Variants in SLC16A7 observed in about 807,000 individuals in gnomAD.
SLC16A7 encodes the protein solute carrier family 16 member 7, also known as monocarboxylate transporter 2.
In SLC16A7, 33 loss-of-function variants were observed where a neutral mutation model predicts 34.9. The ratio of observed to expected loss-of-function variants is 0.94; its 90% confidence interval spans 0.72 to 1.26. The LOEUF (loss-of-function observed/expected upper bound fraction) is 1.26. SLC16A7 is among the 50% of genes most tolerant of loss of function. The probability of loss-of-function intolerance (pLI) is 0.00; values close to 1 mark genes in which losing one functional copy is unlikely to be tolerated. For missense variants in SLC16A7, 573 were observed against 578.1 expected, an observed-to-expected ratio of 0.99 and a Z score of 0.09; for synonymous variants, 201 against 206.6, an observed-to-expected ratio of 0.97 and a Z score of 0.23.
chr12:59,647,703 G>A (rs1291102191), intron 1 of SLC16A7, among the ~76,000 whole-genome samples: 1 of 152,100 alleles, frequency 6.6e-6, no homozygotes, highest in Non-Finnish European at 1.5e-5. Context: ...TAATCAAGAT[G>A]TTGTGGGAGT....
At chr12:59,632,183 A>G (rs1453053753) in intron 1 of SLC16A7, among the ~76,000 whole-genome samples, 2 of 151,996 alleles carry the variant, frequency 1.3e-5, no homozygotes, top group Admixed American at 6.6e-5. Flanking sequence ...ATTTAACTTC[A>G]TTGTATACAA....
chr12:59,765,827 G>C (rs536008646), intron 3 of SLC16A7, among the ~76,000 whole-genome samples: 1 of 152,014 alleles, frequency 6.6e-6, no homozygotes, highest in Non-Finnish European at 1.5e-5. Context: ...CTCTTTTTTC[G>C]TTCCATATGA....
Position 59,788,856 on chromosome 12 carries a change from C to T in SLC16A7, c.*9177C>T, listed in dbSNP as rs1486406298. 9.9e-5 allele frequency: 15 copies of T among 151,886 alleles called. No homozygotes were observed. Among genetic ancestry groups the T allele is most frequent in the Non-Finnish European group, 1.8e-4 (12 of 67,886 alleles). 9.4% of individuals were successfully genotyped at this position (151,886 alleles called of 1,614,324 possible). On this transcript the variant is annotated 3_prime_UTR_variant, in exon 6 of 6. Transcript: ENST00000547379. ...ATTTATTTAAATCAGGAATATTTTACGTTGTTGATCATTTTTAAAGTATAT... is the reference window on the plus strand; with the variant it reads ...ATTTATTTAAATCAGGAATATTTTATGTTGTTGATCATTTTTAAAGTATAT...
rs959762383 is a variant in SLC16A7 at position 59,596,727 on chromosome 12, G to C, written c.-130+491G>C. On this transcript the variant is annotated intron_variant, in intron 1 of 5. Transcript: ENST00000547379. The surrounding 1 kb of genome is among the most constrained non-coding windows in gnomAD (Gnocchi z 5.0). ...TTCATTGCCGCAGAAGGTGGAGGCG[G>C]GGGTGGAGTGTGTGGAGAGAACGTC... Among the ~76,000 whole-genome samples the C allele has an allele frequency of 1.3e-5, 2 of 152,064 alleles. No individual in the cohort carries two copies. The highest frequency in any genetic ancestry group is 4.8e-5 in the African/African-American group (2 of 41,328).
chr12:59,603,754 G>C (rs1414354137), intron 1 of SLC16A7, among the ~76,000 whole-genome samples: 1 of 152,058 alleles, frequency 6.6e-6, no homozygotes, highest in African/African-American at 2.4e-5. Flanking sequence ...GTCATCTTTA[G>C]CATTTTGGTG....
In SLC16A7 at chr12:59,779,797, T is replaced by A; in HGVS notation, c.*118T>A. 1 of 764,122 alleles carries A rather than the reference T, an allele frequency of 1.3e-6. No homozygotes were observed. The highest frequency in any genetic ancestry group is 2.0e-6 in the Non-Finnish European group (1 of 488,696). 47.3% of individuals were successfully genotyped at this position (764,122 alleles called of 1,614,324 possible). On this transcript the variant is annotated 3_prime_UTR_variant, in exon 6 of 6. Coordinates refer to ENST00000547379, the MANE Select transcript of SLC16A7 (RefSeq NM_001270623.2). The stretch of plus-strand genomic sequence containing the variant: ...TGAAATGAGGAGTCACAATTAAGGA[T>A]GGAGGTGATATTTTCCTCAATGGCA...
intron 2 of SLC16A7, among the ~76,000 whole-genome samples, chr12:59,690,437 A>G (rs1393162038): frequency 6.6e-6 from 1 of 152,084 alleles, no homozygotes; most frequent in Non-Finnish European, 1.5e-5. Flanking sequence ...GTACATCATT[A>G]TACTTGTGAG....
rs1165723975 is a variant in SLC16A7 at position 59,789,829 on chromosome 12, A to C, written c.*10150A>C. The C allele has an allele frequency of 6.7e-6, 1 of 148,976 alleles. No individual in the cohort carries two copies. Among genetic ancestry groups the C allele is most frequent in the Admixed American group, 6.7e-5 (1 of 14,942 alleles). 9.2% of individuals were successfully genotyped at this position (148,976 alleles called of 1,614,324 possible). On this transcript the variant is annotated 3_prime_UTR_variant, in exon 6 of 6. Coordinates refer to ENST00000547379, the MANE Select transcript of SLC16A7 (RefSeq NM_001270623.2). ...TATTAAATTAAAATTAAAATAAAAA[A>C]ATTCATGTTAAATTTTTGAAATGAA...
intron 3 of SLC16A7, chr12:59,720,053 T>C (rs1339203010): frequency 2.9e-6 from 2 of 698,958 alleles, no homozygotes; most frequent in African/African-American, 3.5e-5. Context: ...GCCTCATGAC[T>C]ATACCTTTCT....
At chr12:59,611,842 TG>T (rs565417242) in intron 1 of SLC16A7, among the ~76,000 whole-genome samples, 103 of 152,340 alleles carry the variant, frequency 6.8e-4, no homozygotes, top group African/African-American at 2.4e-3. Flanking sequence ...TGATTTCCTT[TG>T]ACTCCATGTC....
At chr12:59,700,628 A>G (rs1242107917) in intron 2 of SLC16A7, among the ~76,000 whole-genome samples, 1 of 151,296 alleles carries the variant, frequency 6.6e-6, no homozygotes, top group Non-Finnish European at 1.5e-5. Context: ...AGGAACACAT[A>G]CACATATACA....
At chr12:59,702,994 G>T (rs1469317018) in intron 2 of SLC16A7, among the ~76,000 whole-genome samples, 1 of 151,918 alleles carries the variant, frequency 6.6e-6, no homozygotes, top group East Asian at 1.9e-4. Flanking sequence ...GGCTTTTATT[G>T]AAACTAAACT....
At chr12:59,658,668 A>C (rs1459456921) in intron 2 of SLC16A7, among the ~76,000 whole-genome samples, 1 of 152,016 alleles carries the variant, frequency 6.6e-6, no homozygotes, top group Admixed American at 6.6e-5. Context: ...ATTCTCCCTA[A>C]TATTCCACTA....
At chr12:59,634,050 TTATGGA>T (rs1166391585) in intron 1 of SLC16A7, among the ~76,000 whole-genome samples, 33 of 152,076 alleles carry the variant, frequency 2.2e-4, no homozygotes, top group African/African-American at 7.7e-4. Flanking sequence ...TATCCCTATT[TTATGGA>T]TATGGAAACT....
chr12:59,627,309 T>C (rs899818237), intron 1 of SLC16A7, among the ~76,000 whole-genome samples: 4 of 151,928 alleles, frequency 2.6e-5, no homozygotes, highest in African/African-American at 9.7e-5. Context: ...AAATGAATTA[T>C]TTCATAAGTA....
chr12:59,673,891 CTTG>C (rs1870092853), intron 2 of SLC16A7, among the ~76,000 whole-genome samples: 2 of 152,010 alleles, frequency 1.3e-5, no homozygotes, highest in Admixed American at 6.6e-5. Context: ...TGCAAATATT[CTTG>C]TTGGATTTTT....
intron 2 of SLC16A7, among the ~76,000 whole-genome samples, chr12:59,683,516 T>C (rs1307519684): frequency 6.6e-6 from 1 of 152,194 alleles, no homozygotes; most frequent in Non-Finnish European, 1.5e-5. Flanking sequence ...ATTCAAGAGC[T>C]ATTAAAGGGA....
At chr12:59,641,706 T>C (rs1880694573) in intron 1 of SLC16A7, among the ~76,000 whole-genome samples, 1 of 152,048 alleles carries the variant, frequency 6.6e-6, no homozygotes, top group Non-Finnish European at 1.5e-5. Flanking sequence ...TTATTGGATG[T>C]CACTGTTTCT....
intron 3 of SLC16A7, among the ~76,000 whole-genome samples, chr12:59,767,862 A>G (rs927034784): frequency 1.4e-5 from 2 of 147,056 alleles, no homozygotes; most frequent in African/African-American, 5.0e-5. Context: ...CAATCACCGC[A>G]TGTTCTCACT....
Sources: gnomAD v4.1 joint callset for allele counts (sites outside exome capture counted in the v4.1 genomes callset) on GRCh38, gnomAD v4.1.1 for gene constraint, Gnocchi (gnomAD v3.1) non-coding constraint, MANE v1.5 for transcripts, NCBI Gene and HGNC (gene_info 2026-07-23, HGNC 2026-07-21) for gene names.